MYO16: variants seen among roughly 807,000 people sequenced by gnomAD.
MYO16 encodes the protein unconventional myosin-XVI.
In MYO16, 94 loss-of-function variants were observed where a neutral mutation model predicts 205.3. The ratio of observed to expected loss-of-function variants is 0.46; its 90% CI spans 0.39 to 0.54. MYO16 has a LOEUF of 0.54. Ranked by LOEUF, MYO16 falls within the 20% of genes least tolerant of loss-of-function variation. The pLI is 0.00. For synonymous variants in MYO16, 988 were observed against 954.0 expected (o/e 1.04, Z -0.66); for missense variants, 2,315 against 2,387.5 (o/e 0.97, Z 0.63).
chr13:108,832,195 G>A (rs1876661278), intron 9 of MYO16, among the ~76,000 whole-genome samples: 1 of 149,568 alleles, frequency 6.7e-6, no homozygotes, highest in Non-Finnish European at 1.5e-5. Flanking sequence ...CAGGCTGGAG[G>A]GCAATGGCAC....
chr13:108,668,610 G>A (rs1045384980), intron 2 of MYO16, among the ~76,000 whole-genome samples: 11 of 152,108 alleles, frequency 7.2e-5, no homozygotes, highest in African/African-American at 1.9e-4. Context: ...CCCCTCCTCC[G>A]TCTCCAACAT....
At chr13:108,992,781 A>G (rs1360778497) in intron 21 of MYO16, among the ~76,000 whole-genome samples, 1 of 152,168 alleles carries the variant, frequency 6.6e-6, no homozygotes, top group Non-Finnish European at 1.5e-5. Context: ...AAGGCTTTCA[A>G]AAACCTTGGC....
At chr13:108,840,375 G>T (rs1877180963) in intron 9 of MYO16, among the ~76,000 whole-genome samples, 1 of 152,076 alleles carries the variant, frequency 6.6e-6, no homozygotes, top group Non-Finnish European at 1.5e-5. Context: ...GGAAGGCAGG[G>T]CATAGAGATG....
intron 4 of MYO16, among the ~76,000 whole-genome samples, chr13:108,747,145 T>C (rs1004044207): frequency 1.1e-4 from 17 of 152,198 alleles, no homozygotes; most frequent in Admixed American, 3.9e-4. Context: ...CCTCCAGCCT[T>C]GCAAGAAATG....
At chr13:109,062,463 G>A (rs1292964669) in intron 27 of MYO16, among the ~76,000 whole-genome samples, 1 of 152,128 alleles carries the variant, frequency 6.6e-6, no homozygotes, top group Non-Finnish European at 1.5e-5. Flanking sequence ...GTACTTTTAG[G>A]TAATTCTTTG....
intron 12 of MYO16, among the ~76,000 whole-genome samples, chr13:108,867,970 A>G (rs535820820): frequency 5.1e-4 from 78 of 152,306 alleles, no homozygotes; most frequent in Admixed American, 2.0e-3. Context: ...AGATTCACCC[A>G]TGTTTTTGTG....
chr13:108,854,347 C>T (rs1247416101), intron 10 of MYO16, among the ~76,000 whole-genome samples: 1 of 151,926 alleles, frequency 6.6e-6, no homozygotes, highest in Non-Finnish European at 1.5e-5. Context: ...GAAAATAAGC[C>T]CACTTTATGA....
At chr13:108,806,564 G>T in intron 6 of MYO16, 115 bp from the exon 7 acceptor site, 2 of 785,596 alleles carry the variant, frequency 2.5e-6, no homozygotes, top group South Asian at 2.8e-5. Flanking sequence ...TGTTTTTATG[G>T]TCTCTGTATT....
rs1269875894 is a variant in MYO16, at chr13:109,125,358, G to C, written c.3782G>C (p.Arg1261Thr). 6.2e-7 allele frequency: 1 copy of C among 1,613,954 alleles called. No homozygotes were observed. Reference protein sequence around the residue: ...VRNMQEEGSKRTDDKSGPRHF... With the variant: ...VRNMQEEGSKTTDDKSGPRHF... ...AACATGCAAGAGGAAGGAAGCAAAAGGTAAAGGCAGAGAGCATGCAATTTT... is the reference window on the plus strand; with the variant it reads ...AACATGCAAGAGGAAGGAAGCAAAACGTAAAGGCAGAGAGCATGCAATTTT... Residue 1261 changes from arginine to threonine, a missense_variant and splice_region_variant, in exon 30 of 35, where the codon AGA becomes ACA. Coordinates refer to ENST00000457511, the MANE Select transcript of MYO16 (RefSeq NM_001198950.3). The surrounding 1 kb of genome is among the most constrained non-coding windows in gnomAD (Gnocchi z 4.0).
chr13:108,577,992 A>G, the MYO16 span, among the ~76,000 whole-genome samples: 3 of 152,224 alleles, frequency 2.0e-5, no homozygotes, highest in Non-Finnish European at 4.4e-5. Context: ...CTACGCAAGT[A>G]TATATTGTGT....
chr13:108,688,122 C>G (rs1436356669), intron 2 of MYO16, among the ~76,000 whole-genome samples: 1 of 152,002 alleles, frequency 6.6e-6, no homozygotes, highest in Non-Finnish European at 1.5e-5. Context: ...TAAAAGAAGG[C>G]CTTTGTAATT....
intron 6 of MYO16, among the ~76,000 whole-genome samples, chr13:108,797,179 A>C (rs140660197): frequency 6.6e-6 from 1 of 152,210 alleles, no homozygotes; most frequent in East Asian, 1.9e-4. Context: ...TGAAGAAGAC[A>C]CAAACCTAAA....
At chr13:109,076,107 G>A (rs1019447826) in intron 27 of MYO16, among the ~76,000 whole-genome samples, 2 of 152,174 alleles carry the variant, frequency 1.3e-5, no homozygotes, top group African/African-American at 2.4e-5. Context: ...AGGGTCTCCA[G>A]TGACAGCCTC....
In MYO16 at chr13:108,708,092, G is replaced by C. The variant is rs979980874; in HGVS notation, c.293-4569G>C. Among the ~76,000 whole-genome samples the C allele has an allele frequency of 5.3e-5, 8 of 152,236 alleles. No homozygotes were observed. In the East Asian group the frequency reaches 1.5e-3, roughly 29 times the overall value. On this transcript the variant is annotated intron_variant, in intron 2 of 34. Coordinates refer to ENST00000457511, the MANE Select transcript of MYO16 (RefSeq NM_001198950.3). Reference sequence around the variant, plus strand: ...GTGATAATAAAAAACAGATTGAGAAGCCCGGAACTAGCAACATTCATCTTA... The same window carrying C: ...GTGATAATAAAAAACAGATTGAGAACCCCGGAACTAGCAACATTCATCTTA...
chr13:109,119,228 A>C (rs1457098672), intron 28 of MYO16, among the ~76,000 whole-genome samples: 1 of 152,176 alleles, frequency 6.6e-6, no homozygotes, highest in Non-Finnish European at 1.5e-5. Context: ...TGATGTGTAC[A>C]CACGTGCCAG....
chr13:108,606,636 C>T (rs1312874614), intron 1 of MYO16, among the ~76,000 whole-genome samples: 1 of 151,926 alleles, frequency 6.6e-6, no homozygotes, highest in African/African-American at 2.4e-5. Flanking sequence ...GGGGTGGAGC[C>T]CTCAGAGAAC....
chr13:109,165,600 G>T (rs1878622319), intron 33 of MYO16, among the ~76,000 whole-genome samples: 1 of 152,154 alleles, frequency 6.6e-6, no homozygotes, highest in African/African-American at 2.4e-5. Context: ...ATTCCTGAGG[G>T]CCTCCCGCAG....
At chr13:109,060,881 A>C (rs1317782171) in intron 27 of MYO16, among the ~76,000 whole-genome samples, 1 of 152,138 alleles carries the variant, frequency 6.6e-6, no homozygotes, top group Non-Finnish European at 1.5e-5. Context: ...TGAAATTCCT[A>C]GGTGGCATCT....
At chr13:108,692,167 T>G (rs550943723) in intron 2 of MYO16, among the ~76,000 whole-genome samples, 2 of 152,356 alleles carry the variant, frequency 1.3e-5, no homozygotes, top group South Asian at 2.1e-4. Context: ...ATATTTAAGC[T>G]AATCAGACTT....
Sources: gnomAD v4.1 joint callset for allele counts (sites outside exome capture counted in the v4.1 genomes callset) on GRCh38, gnomAD v4.1.1 for gene constraint, Gnocchi (gnomAD v3.1) non-coding constraint, MANE v1.5 for transcripts, NCBI Gene and HGNC (gene_info 2026-07-23, HGNC 2026-07-21) for gene names.